GALNT2: variants seen among roughly 807,000 people sequenced by gnomAD.
GALNT2 encodes the protein polypeptide N-acetylgalactosaminyltransferase 2.
GALNT2 carries 31 observed loss-of-function variants against 81.4 expected under a neutral mutation model. That is an observed-to-expected ratio of 0.38 (90% confidence interval 0.29 to 0.51). The LOEUF (loss-of-function observed/expected upper bound fraction) is 0.51, where lower values mean the gene tolerates loss of function less well. GALNT2 is among the 20% of genes least tolerant of loss of function. The probability of loss-of-function intolerance (pLI) is 0.87; values close to 1 mark genes in which losing one functional copy is unlikely to be tolerated. For synonymous variants in GALNT2, 303 were observed against 287.4 expected (o/e 1.05, Z -0.55); for missense variants, 629 against 765.7 (o/e 0.82, Z 2.11).
chr1:230,197,739 G>T (rs1572076201), intron 2 of GALNT2, among the ~76,000 whole-genome samples: 1 of 152,124 alleles, frequency 6.6e-6, no homozygotes, highest in East Asian at 1.9e-4. Flanking sequence ...CTCATGCTTG[G>T]ATTTTGTGCT....
intron 14 of GALNT2, among the ~76,000 whole-genome samples, chr1:230,267,764 G>A (rs1666073700): frequency 6.6e-6 from 1 of 152,202 alleles, no homozygotes; most frequent in Admixed American, 6.5e-5. Flanking sequence ...GTATTGGTGG[G>A]GTGGGCAGAG....
intron 1 of GALNT2, among the ~76,000 whole-genome samples, chr1:230,111,678 C>T (rs112165635): frequency 3.9e-5 from 6 of 152,098 alleles, no homozygotes; most frequent in South Asian, 2.1e-4. Context: ...TAGCTTGTTG[C>T]GTTAAATTAA....
chr1:230,224,906 G>A (rs1283375911), intron 3 of GALNT2, among the ~76,000 whole-genome samples: 1 of 152,266 alleles, frequency 6.6e-6, no homozygotes, highest in East Asian at 1.9e-4. Context: ...GAATGCAGAA[G>A]CCTGCGGTAT....
intron 1 of GALNT2, among the ~76,000 whole-genome samples, chr1:230,110,714 GTT>G (rs113630188): frequency 7.3e-5 from 10 of 137,626 alleles, no homozygotes; most frequent in South Asian, 2.3e-4. Flanking sequence ...GTGCTTTTCT[GTT>G]TTTTTTTTTT....
At chr1:230,175,544 C>T (rs918484673) in intron 1 of GALNT2, among the ~76,000 whole-genome samples, 2 of 148,072 alleles carry the variant, frequency 1.4e-5, no homozygotes, top group African/African-American at 5.0e-5. Context: ...TTTCATTGTC[C>T]TCCCCTCCCC....
chr1:230,269,468 G>A (rs958833635), intron 14 of GALNT2, among the ~76,000 whole-genome samples: 1 of 152,126 alleles, frequency 6.6e-6, no homozygotes, highest in African/African-American at 2.4e-5. Flanking sequence ...TTACAGGCGT[G>A]AGCCACCACA....
rs1338561082 is a variant in GALNT2 at position 230,253,000 on chromosome 1, C to CCGCA, written c.1010-2216_1010-2215insCACG. On this transcript the variant is annotated intron_variant, in intron 10 of 15. Transcript: ENST00000366672. The stretch of plus-strand genomic sequence containing the variant: ...TAACTGGGATTACAGGCATGTGCCA[C>CCGCA]CGTGCCCGGCTAATTTTTTGTATTT... 1.2e-4 allele frequency among the ~76,000 whole-genome samples: 18 copies of CCGCA among 152,150 alleles called. No individual in the cohort carries two copies. In the East Asian group the frequency reaches 3.5e-3, roughly 30 times the overall value.
At chr1:230,074,536 G>A (rs1220746547) in intron 1 of GALNT2, among the ~76,000 whole-genome samples, 3 of 152,178 alleles carry the variant, frequency 2.0e-5, no homozygotes, top group Admixed American at 1.3e-4. Flanking sequence ...CCTGGCGAGG[G>A]TGGGAGGTGG....
At chr1:230,233,214 T>C (rs950447701) in intron 3 of GALNT2, among the ~76,000 whole-genome samples, 3 of 152,236 alleles carry the variant, frequency 2.0e-5, no homozygotes, top group Non-Finnish European at 2.9e-5. Flanking sequence ...AATATATATA[T>C]TTTTAATCTA....
chr1:230,132,715 T>TA (rs1236468364), intron 1 of GALNT2, among the ~76,000 whole-genome samples: 2 of 152,204 alleles, frequency 1.3e-5, no homozygotes, highest in Non-Finnish European at 2.9e-5. Flanking sequence ...AACAGCCATT[T>TA]AAAAAAATGT....
intron 4 of GALNT2, 31 bp from the exon 5 acceptor site, chr1:230,236,322 C>G: frequency 6.2e-7 from 1 of 1,602,574 alleles, no homozygotes; most frequent in South Asian, 1.1e-5. Context: ...CCTAAAAGAC[C>G]TATAAACTTT....
At chr1:230,079,041 C>T (rs965109246) in intron 1 of GALNT2, among the ~76,000 whole-genome samples, 1 of 152,178 alleles carries the variant, frequency 6.6e-6, no homozygotes, top group Non-Finnish European at 1.5e-5. Flanking sequence ...AGTCTTTCTG[C>T]CAGATTTTTC....
chr1:230,226,712 C>T (rs906896509), intron 3 of GALNT2, among the ~76,000 whole-genome samples: 2 of 152,250 alleles, frequency 1.3e-5, no homozygotes, highest in Admixed American at 6.5e-5. Flanking sequence ...AGTCATCGCA[C>T]CCGCGGACAT....
At chr1:230,136,984 G>A (rs139181228) in intron 1 of GALNT2, among the ~76,000 whole-genome samples, 139 of 152,348 alleles carry the variant, frequency 9.1e-4, no homozygotes, top group South Asian at 3.9e-3. Flanking sequence ...GGTTGGGGGC[G>A]AGAGCATTTT....
At position 230,250,510 on chromosome 1, in the gene GALNT2, A is replaced by C; in HGVS notation, c.959A>C (p.Glu320Ala). ...GTGATGGATAAGTTCTATTTTGAAG[A>C]ACTGGGGAAGTACGACATGATGATG... ...LFVMDKFYFE[E>A]LGKYDMMMDV... The change falls in exon 10 of 16, where the codon GAA becomes GCA. Residue 320 changes from glutamate to alanine, a missense_variant. Glu to Ala is a moderately radical substitution (Grantham distance 107, BLOSUM62 -1). Transcript: ENST00000366672. 1 of 1,613,940 alleles carries C rather than the reference A, an allele frequency of 6.2e-7. No homozygotes were observed. The highest frequency in any genetic ancestry group is 8.5e-7 in the Non-Finnish European group (1 of 1,179,952).
At chr1:230,072,726 C>T (rs1288138968) in intron 1 of GALNT2, among the ~76,000 whole-genome samples, 2 of 152,222 alleles carry the variant, frequency 1.3e-5, no homozygotes, top group Admixed American at 6.5e-5. Flanking sequence ...TATGCTCTGC[C>T]TTGAGACCCC....
intron 10 of GALNT2, among the ~76,000 whole-genome samples, chr1:230,253,644 G>A (rs4846941): frequency 7.3e-4 from 111 of 152,228 alleles, no homozygotes; most frequent in African/African-American, 2.5e-3. Flanking sequence ...AAGGAAATTA[G>A]CATATCCATC....
chr1:230,232,312 A>G lies in GALNT2; in HGVS notation c.375-3702A>G, dbSNP rs548553765. Among the ~76,000 whole-genome samples the G allele has an allele frequency of 3.9e-5, 6 of 152,280 alleles. No individual in the cohort carries two copies. In the East Asian group the frequency reaches 9.6e-4, roughly 24 times the overall value. On this transcript the variant is annotated intron_variant, in intron 3 of 15. Transcript: ENST00000366672. Reference sequence around the variant, plus strand: ...TCCTGAATGCCAGTTCTCAGCAAAAATGGATGCCTTATGAATATGTAGATG... The same window carrying G: ...TCCTGAATGCCAGTTCTCAGCAAAAGTGGATGCCTTATGAATATGTAGATG...
intron 1 of GALNT2, among the ~76,000 whole-genome samples, chr1:230,115,803 G>A (rs938970773): frequency 6.6e-6 from 1 of 152,174 alleles, no homozygotes; most frequent in Admixed American, 6.5e-5. Flanking sequence ...ACCCTGCCAC[G>A]TCTTTGTCAA....
Sources: allele counts gnomAD v4.1 joint callset (sites outside exome capture counted in the v4.1 genomes callset), GRCh38; gene constraint gnomAD v4.1.1; transcripts MANE v1.5; gene names NCBI Gene and HGNC (gene_info 2026-07-23, HGNC 2026-07-21).